GALNT12: variants seen among roughly 807,000 people sequenced by gnomAD.
GALNT12 encodes the protein UDP-GalNAc:polypeptide N-acetylgalactosaminyltransferase 12.
In GALNT12, 45 loss-of-function variants were observed where a neutral mutation model predicts 55.5. The observed-to-expected ratio is 0.81, with a 90% CI of 0.64 to 1.04. The LOEUF is 1.04. GALNT12 is among the 50% of genes least tolerant of loss of function. GALNT12 has a pLI of 0.00. For missense variants in GALNT12, 709 were observed against 754.8 expected (o/e 0.94, Z 0.71); for synonymous variants, 304 against 312.2 (o/e 0.97, Z 0.28).
At chr9:98,816,190 C>A (rs1835606584) in intron 1 of GALNT12, among the ~76,000 whole-genome samples, 1 of 151,962 alleles carries the variant, frequency 6.6e-6, no homozygotes, top group South Asian at 2.1e-4. Flanking sequence ...GGTATTCTGA[C>A]TATTTACTTA....
In GALNT12 at chr9:98,849,146, C is replaced by G. The variant is rs1463729468; in HGVS notation, c.*54C>G. The G allele has an allele frequency of 6.3e-7, 1 of 1,595,046 alleles. No individual in the cohort carries two copies. The highest frequency in any genetic ancestry group is 1.3e-5 in the African/African-American group (1 of 74,634). Reference sequence around the variant, plus strand: ...GGAGACTGTGGAGCCAGGACTCTGCCCAACAAAGACTTAGCTAAGCAGTGA... The same window carrying G: ...GGAGACTGTGGAGCCAGGACTCTGCGCAACAAAGACTTAGCTAAGCAGTGA... On this transcript the variant is annotated 3_prime_UTR_variant, in exon 10 of 10. Transcript: ENST00000375011.
chr9:98,834,192 C>T (rs998516062), intron 4 of GALNT12, among the ~76,000 whole-genome samples: 3 of 152,118 alleles, frequency 2.0e-5, no homozygotes, highest in Non-Finnish European at 4.4e-5. Context: ...GATCTCAGCT[C>T]TCTGCAACCT....
chr9:98,838,555 G>A (rs946233396), intron 6 of GALNT12, among the ~76,000 whole-genome samples: 6 of 152,196 alleles, frequency 3.9e-5, no homozygotes, highest in East Asian at 1.9e-4. Context: ...TTTCTGGTCC[G>A]GATCCTTGCT....
At chr9:98,826,409 CTCA>C (rs973839287) in intron 2 of GALNT12, among the ~76,000 whole-genome samples, 4 of 152,122 alleles carry the variant, frequency 2.6e-5, no homozygotes, top group African/African-American at 9.7e-5. Flanking sequence ...TTTTTAAATG[CTCA>C]TGAGTCAAAA....
At chr9:98,837,249 A>T (rs540376297) in intron 6 of GALNT12, 101 bp downstream of exon 6, 1 of 1,153,182 alleles carries the variant, frequency 8.7e-7, no homozygotes, top group South Asian at 1.2e-5. Flanking sequence ...AGAAATAGAG[A>T]ATAAATTGGG....
At position 98,840,060 on chromosome 9, in the gene GALNT12, A is replaced by AG; in HGVS notation, c.1271_1272insG (p.Asp424GlufsTer17). 6.2e-7 allele frequency: 1 copy of AG among 1,614,144 alleles called. No individual in the cohort carries two copies. Among genetic ancestry groups the AG allele is most frequent in the Non-Finnish European group, 8.5e-7 (1 of 1,180,028 alleles). ...CTCCGGGACAAGCTCCAGTGTAAAG[A>AG]CTTCAAGTGGTTCTTGGAGACTGTG... is the stretch of plus-strand genomic sequence containing the variant. On this transcript the variant is annotated frameshift_variant, in exon 7 of 10. Coordinates refer to ENST00000375011, the MANE Select transcript of GALNT12 (RefSeq NM_024642.5). LOFTEE classifies it high-confidence loss of function.
chr9:98,828,624 G>A (rs771856525), intron 3 of GALNT12, among the ~76,000 whole-genome samples: 2 of 152,094 alleles, frequency 1.3e-5, no homozygotes, highest in South Asian at 2.1e-4. Context: ...TTTCCACCTC[G>A]GTTGTCTGTT....
Position 98,808,199 on chromosome 9 carries a change from A to T in GALNT12, c.371+130A>T, listed in dbSNP as rs114132671. 2.4e-3 allele frequency: 1,642 copies of T among 688,170 alleles called. 20 individuals are homozygous for T. The African/African-American group carries it at 0.026, about 11-fold the overall frequency. 42.6% of individuals were successfully genotyped at this position (688,170 alleles called of 1,614,324 possible). On this transcript the variant is annotated intron_variant, in intron 1 of 9. Transcript: ENST00000375011. The stretch of plus-strand genomic sequence containing the variant: ...CGTCTTATTGAGTCTTTCTCCGAAG[A>T]CGATAGTGTAAGAGCTCACATGGGG...
intron 5 of GALNT12, among the ~76,000 whole-genome samples, chr9:98,835,710 C>T (rs931677355): frequency 1.3e-5 from 2 of 151,888 alleles, no homozygotes; most frequent in African/African-American, 4.8e-5. Flanking sequence ...AGCACAGTGC[C>T]TTTCAAACTT....
At chr9:98,843,697 G>A (rs944567167) in intron 7 of GALNT12, among the ~76,000 whole-genome samples, 1 of 152,210 alleles carries the variant, frequency 6.6e-6, no homozygotes, top group African/African-American at 2.4e-5. Flanking sequence ...ATGAGCCACT[G>A]AACCCAGCCT....
chr9:98,839,129 T>C (rs1836224671), intron 6 of GALNT12, among the ~76,000 whole-genome samples: 2 of 152,202 alleles, frequency 1.3e-5, no homozygotes, highest in East Asian at 3.9e-4. Flanking sequence ...TTCCTGAGGG[T>C]TCCCAGAGAA....
In GALNT12 at chr9:98,849,045, A is replaced by G. The variant is rs1836488209; in HGVS notation, c.1699A>G (p.Thr567Ala). ...TTTCGTTCCACTCTTACGAGACTGCACCAACTCGGATCATCAGAAATGGTT... is the reference window on the plus strand; with the variant it reads ...TTTCGTTCCACTCTTACGAGACTGCGCCAACTCGGATCATCAGAAATGGTT... ...DSFVPLLRDC[T>A]NSDHQKWFFK... The change falls in exon 10 of 10, where the codon ACC becomes GCC. Residue 567 changes from threonine to alanine, a missense_variant. By Grantham distance (58) the Thr-to-Ala change is moderately conservative (BLOSUM62 0). Coordinates refer to ENST00000375011, the MANE Select transcript of GALNT12 (RefSeq NM_024642.5). The G allele has an allele frequency of 1.2e-6, 2 of 1,614,092 alleles. No homozygotes were observed. The highest frequency in any genetic ancestry group is 1.7e-5 in the Admixed American group (1 of 60,014).
rs140471094 is a variant in GALNT12, at chr9:98,835,306, G to A, written c.975G>A (p.Leu325=). ...FAVSKKYFEY[L]GSYDTGMEVW... Reference sequence around the variant, plus strand: ...TGAGTAAGAAATATTTTGAATATCTGGGGTCTTATGATACAGGAATGGAAG... The same window carrying A: ...TGAGTAAGAAATATTTTGAATATCTAGGGTCTTATGATACAGGAATGGAAG... The change falls in exon 5 of 10, where the codon CTG becomes CTA. Residue 325 remains leucine, a synonymous_variant. Transcript: ENST00000375011. The A allele has an allele frequency of 1.8e-4, 296 of 1,614,060 alleles. 1 individual carries two copies. Among genetic ancestry groups the A allele is most frequent in the South Asian group, 7.6e-4 (69 of 91,082 alleles).
intron 9 of GALNT12, chr9:98,848,686 A>G (rs1836474838): frequency 5.9e-6 from 3 of 508,560 alleles, no homozygotes; most frequent in Admixed American, 6.4e-5. Context: ...GCCAAATGCA[A>G]TAGGGAGATG....
Position 98,807,910 on chromosome 9 carries a change from C to G in GALNT12, c.212C>G (p.Pro71Arg). The change falls in exon 1 of 10, where the codon CCG (proline) becomes CGG (arginine). Residue 71 changes from proline (P) to arginine (R), a missense_variant. By Grantham distance (103) the Pro-to-Arg change is moderately radical. Around this residue, in one of 5 missense-constraint regions of GALNT12, gnomAD observed 110 missense variants for 102.2 expected, o/e 1.08. Transcript: ENST00000375011. ...CCGGTCATGCCGCGGCCGCCGGTGC[C>G]GGCGAACGCGCTGGGCGCGCGGGGC... ...REPVMPRPPV[P>R]ANALGARGEA... 1 of 1,206,158 alleles carries G rather than the reference C, an allele frequency of 8.3e-7. No homozygotes were observed. The highest frequency in any genetic ancestry group is 1.0e-6 in the Non-Finnish European group (1 of 971,318). 74.7% of individuals were successfully genotyped at this position (1,206,158 alleles called of 1,614,324 possible).
chr9:98,811,130 CG>C (rs1835486953), intron 1 of GALNT12, among the ~76,000 whole-genome samples: 2 of 152,054 alleles, frequency 1.3e-5, no homozygotes. Flanking sequence ...TATGCAACCA[CG>C]GGTGAAAGCT....
intron 1 of GALNT12, among the ~76,000 whole-genome samples, chr9:98,812,717 T>C (rs948916293): frequency 1.3e-5 from 2 of 152,238 alleles, no homozygotes; most frequent in South Asian, 2.1e-4. Context: ...TCATTTGTTA[T>C]GCTTTTTTGG....
intron 1 of GALNT12, among the ~76,000 whole-genome samples, chr9:98,808,514 C>T (rs1272801150): frequency 2.0e-5 from 3 of 152,226 alleles, no homozygotes; most frequent in African/African-American, 7.2e-5. Context: ...AAACAAGATG[C>T]GAGGGAGCGC....
In GALNT12 at chr9:98,807,698, C is replaced by T. The variant is rs1283851971; in HGVS notation, c.-1C>T. 1 of 1,146,068 alleles carries T rather than the reference C, an allele frequency of 8.7e-7. No homozygotes were observed. The highest frequency in any genetic ancestry group is 1.1e-6 in the Non-Finnish European group (1 of 934,712). The allele number at this position is 1,146,068 out of a possible 1,614,324, so 71.0% of individuals were successfully genotyped here. ...GATCGCTGGCTGCAGTTGGCGGGCG[C>T]ATGTGGGGGCGCACGGCGCGGCGGC... On this transcript the variant is annotated 5_prime_UTR_variant, in exon 1 of 10. Coordinates refer to ENST00000375011, the MANE Select transcript of GALNT12 (RefSeq NM_024642.5).
Sources: gnomAD v4.1 joint callset for allele counts (sites outside exome capture counted in the v4.1 genomes callset) on GRCh38, gnomAD v4.1.1 for gene constraint, gnomAD v4.1.1 regional missense constraint, MANE v1.5 for transcripts, NCBI Gene and HGNC (gene_info 2026-07-23, HGNC 2026-07-21) for gene names.